KLHL9: variants seen among roughly 807,000 people sequenced by gnomAD.
The protein encoded by KLHL9 is kelch-like protein 9.
In KLHL9, 27 loss-of-function variants were observed where a neutral mutation model predicts 42.3. That is an observed-to-expected ratio of 0.64 (90% CI 0.47 to 0.88). KLHL9 has a LOEUF of 0.88. Ranked by LOEUF, KLHL9 falls within the 40% of genes least tolerant of loss-of-function variation. The pLI is 0.00. For synonymous variants in KLHL9, 274 were observed against 254.4 expected (o/e 1.08, Z -0.73); for missense variants, 629 against 750.3 (o/e 0.84, Z 1.89).
At position 21,335,090 on chromosome 9, in the gene KLHL9, T is replaced by C. The variant is rs1205426591; in HGVS notation, c.-231A>G. 1 of 587,876 alleles carries C rather than the reference T, an allele frequency of 1.7e-6. No homozygotes were observed. The highest frequency in any genetic ancestry group is 3.0e-6 in the Non-Finnish European group (1 of 334,462). 36.4% of individuals were successfully genotyped at this position (587,876 alleles called of 1,614,324 possible). A position where few individuals can be genotyped will look rare whatever the true frequency, so the allele number is the denominator to read the frequency against. Reference sequence around the variant, plus strand: ...CAAATCTGATTATTAGACAGATGATTCATCACCTGAAGGCGGTTAAATGAC... The same window carrying C: ...CAAATCTGATTATTAGACAGATGATCCATCACCTGAAGGCGGTTAAATGAC... On this transcript the variant is annotated 5_prime_UTR_variant, in exon 1 of 1. Coordinates refer to ENST00000359039, the MANE Select transcript of KLHL9 (RefSeq NM_018847.4).
rs780349937 is a variant in KLHL9 at position 21,333,458 on chromosome 9, G to A, written c.1402C>T (p.Pro468Ser). The stretch of plus-strand genomic sequence containing the variant: ...TTTTGCATCCATTTATCTGTATCTG[G>A]GTCAAAACACATGAGCTCATTTTGG... ...TFQNELMCFDPDTDKWMQKAP... is the reference protein window; with the variant it reads ...TFQNELMCFDSDTDKWMQKAP... Residue 468 changes from proline to serine, a missense_variant, in exon 1 of 1, where the codon CCA becomes TCA. This residue lies in a region of KLHL9 where 214 missense variants were observed against 305.8 expected (regional missense o/e 0.70). Coordinates refer to ENST00000359039, the MANE Select transcript of KLHL9 (RefSeq NM_018847.4). This position sits in a 1 kb window ranked among gnomAD's most constrained non-coding sequence, Gnocchi z 7.5. 6.2e-7 allele frequency: 1 copy of A among 1,614,088 alleles called. No individual in the cohort carries two copies. The highest frequency in any genetic ancestry group is 2.2e-5 in the East Asian group (1 of 44,884).
At position 21,330,221 on chromosome 9, in the gene KLHL9, G is replaced by A. The variant is rs1820146000; in HGVS notation, c.*2785C>T. The A allele has an allele frequency of 1.3e-5, 2 of 152,026 alleles. No homozygotes were observed. The highest frequency in any genetic ancestry group is 2.9e-5 in the Non-Finnish European group (2 of 68,016). The allele number at this position is 152,026 out of a possible 1,614,324, so 9.4% of individuals were successfully genotyped here. A position where few individuals can be genotyped will look rare whatever the true frequency, so the allele number is the denominator to read the frequency against. On this transcript the variant is annotated 3_prime_UTR_variant, in exon 1 of 1. Transcript: ENST00000359039. ...TCTAAACAATATTACTTAAAACTTCGGTTATATTTCACGTTTCAGACACGT... is the reference window on the plus strand; with the variant it reads ...TCTAAACAATATTACTTAAAACTTCAGTTATATTTCACGTTTCAGACACGT...
Position 21,331,524 on chromosome 9 carries a change from GTATA to G in KLHL9, c.*1478_*1481del, listed in dbSNP as rs1820171511. ...TGTGTGTATTACACACACACACAAT[GTATA>G]TATAAATTTTTTTTCTTCAGGTAGA... On this transcript the variant is annotated 3_prime_UTR_variant, in exon 1 of 1. Coordinates refer to ENST00000359039, the MANE Select transcript of KLHL9 (RefSeq NM_018847.4). 1 of 150,984 alleles carries G rather than the reference GTATA, an allele frequency of 6.6e-6. No individual in the cohort carries two copies. Among genetic ancestry groups the G allele is most frequent in the South Asian group, 2.1e-4 (1 of 4,792 alleles). The allele number at this position is 150,984 out of a possible 1,614,324, so 9.4% of individuals were successfully genotyped here. A position where few individuals can be genotyped will look rare whatever the true frequency, so the allele number is the denominator to read the frequency against.
Position 21,335,059 on chromosome 9 carries a change from G to T in KLHL9, c.-200C>A. ...CTGTAGCAGGACCACAAAGGGCTGTGGACCTCAAATCTGATTATTAGACAG... is the reference window on the plus strand; with the variant it reads ...CTGTAGCAGGACCACAAAGGGCTGTTGACCTCAAATCTGATTATTAGACAG... On this transcript the variant is annotated 5_prime_UTR_variant, in exon 1 of 1. Coordinates refer to ENST00000359039, the MANE Select transcript of KLHL9 (RefSeq NM_018847.4). The T allele has an allele frequency of 1.5e-6, 1 of 663,226 alleles. No individual in the cohort carries two copies. Among genetic ancestry groups the T allele is most frequent in the Non-Finnish European group, 2.6e-6 (1 of 392,154 alleles). The allele number at this position is 663,226 out of a possible 1,614,324, so 41.1% of individuals were successfully genotyped here.
chr9:21,335,096 C>G lies in KLHL9; in HGVS notation c.-237G>C. 1 of 573,036 alleles carries G rather than the reference C, an allele frequency of 1.7e-6. No homozygotes were observed. Among genetic ancestry groups the G allele is most frequent in the Non-Finnish European group, 3.1e-6 (1 of 325,492 alleles). 35.5% of individuals were successfully genotyped at this position (573,036 alleles called of 1,614,324 possible). Reference sequence around the variant, plus strand: ...TGATTATTAGACAGATGATTCATCACCTGAAGGCGGTTAAATGACCTGGTT... The same window carrying G: ...TGATTATTAGACAGATGATTCATCAGCTGAAGGCGGTTAAATGACCTGGTT... On this transcript the variant is annotated 5_prime_UTR_variant, in exon 1 of 1. Coordinates refer to ENST00000359039, the MANE Select transcript of KLHL9 (RefSeq NM_018847.4).
chr9:21,330,646 A>T lies in KLHL9; in HGVS notation c.*2360T>A, dbSNP rs949671754. 2 of 152,226 alleles carry T rather than the reference A, an allele frequency of 1.3e-5. No homozygotes were observed. The highest frequency in any genetic ancestry group is 1.3e-4 in the Admixed American group (2 of 15,280). The allele number at this position is 152,226 out of a possible 1,614,324, so 9.4% of individuals were successfully genotyped here. On this transcript the variant is annotated 3_prime_UTR_variant, in exon 1 of 1. Transcript: ENST00000359039. ...AAAAGTACTTTTTTTCAATAAAAGG[A>T]AAAGCCTGTACAAAATAGAGGCAGG... is the stretch of plus-strand genomic sequence containing the variant.
rs577984287 is a variant in KLHL9 at position 21,332,116 on chromosome 9, T to C, written c.*890A>G. ...ACTTTACCAATCTGTGTAAAAGTAC[T>C]CTACAGAAAATACACAAGCAGAAAA... is the stretch of plus-strand genomic sequence containing the variant. On this transcript the variant is annotated 3_prime_UTR_variant, in exon 1 of 1. Coordinates refer to ENST00000359039, the MANE Select transcript of KLHL9 (RefSeq NM_018847.4). 22 of 152,678 alleles carry C rather than the reference T, an allele frequency of 1.4e-4. No homozygotes were observed. Among genetic ancestry groups the C allele is most frequent in the Admixed American group, 4.6e-4 (7 of 15,298 alleles). 9.5% of individuals were successfully genotyped at this position (152,678 alleles called of 1,614,324 possible).
rs1302634036 is a variant in KLHL9 at position 21,334,384 on chromosome 9, C to T, written c.476G>A (p.Arg159Gln). 1.9e-5 allele frequency: 30 copies of T among 1,613,688 alleles called. No individual in the cohort carries two copies. Among genetic ancestry groups the T allele is most frequent in the Non-Finnish European group, 2.4e-5 (28 of 1,179,826 alleles). Residue 159 changes from arginine to glutamine, a missense_variant, in exon 1 of 1, where the codon CGA becomes CAA. Physicochemically the swap from Arg to Gln is conservative, Grantham distance 43 (BLOSUM62 1). This residue lies in a region of KLHL9 where 351 missense variants were observed against 363.1 expected (regional missense o/e 0.97). Coordinates refer to ENST00000359039, the MANE Select transcript of KLHL9 (RefSeq NM_018847.4). The surrounding 1 kb of genome is among the most constrained non-coding windows in gnomAD (Gnocchi z 5.1). The stretch of plus-strand genomic sequence containing the variant: ...TATAAGATTGTAGGTGTTAGCAATT[C>T]GTCCAACCTCAACACAGTTATCCAA... ...VSLDNCVEVGRIANTYNLIEV... is the reference protein window; with the variant it reads ...VSLDNCVEVGQIANTYNLIEV...
In KLHL9 at chr9:21,334,501, T is replaced by C; in HGVS notation, c.359A>G (p.Asp120Gly). The C allele has an allele frequency of 1.2e-6, 2 of 1,614,118 alleles. No individual in the cohort carries two copies. Among genetic ancestry groups the C allele is most frequent in the Non-Finnish European group, 8.5e-7 (1 of 1,179,998 alleles). ...IYTAKLSLNM[D>G]NLQDTLEAAS... ...AGCTTCAAGTGTGTCCTGAAGATTG[T>C]CCATATTAAGAGAAAGTTTTGCAGT... Residue 120 changes from aspartate (D) to glycine (G), a missense_variant, in exon 1 of 1, where the codon GAC (aspartate) becomes GGC (glycine). Around this residue, in one of 4 missense-constraint regions of KLHL9, gnomAD observed 351 missense variants for 363.1 expected, o/e 0.97. Coordinates refer to ENST00000359039, the MANE Select transcript of KLHL9 (RefSeq NM_018847.4). The surrounding 1 kb of genome is among the most constrained non-coding windows in gnomAD (Gnocchi z 5.1).
In KLHL9 at chr9:21,330,255, G is replaced by A. The variant is rs573269440; in HGVS notation, c.*2751C>T. On this transcript the variant is annotated 3_prime_UTR_variant, in exon 1 of 1. Coordinates refer to ENST00000359039, the MANE Select transcript of KLHL9 (RefSeq NM_018847.4). ...TCACGTTTCAGACACGTAGTCTGAA[G>A]GTAATTATAATAGTCTTAATAATGT... The A allele has an allele frequency of 3.3e-5, 5 of 152,274 alleles. No individual in the cohort carries two copies. The East Asian group carries it at 9.6e-4, about 29-fold the overall frequency. The allele number at this position is 152,274 out of a possible 1,614,324, so 9.4% of individuals were successfully genotyped here.
Position 21,332,742 on chromosome 9 carries a change from A to T in KLHL9, c.*264T>A. 1 of 448,862 alleles carries T rather than the reference A, an allele frequency of 2.2e-6. No homozygotes were observed. Among genetic ancestry groups the T allele is most frequent in the East Asian group, 3.9e-5 (1 of 25,774 alleles). The allele number at this position is 448,862 out of a possible 1,614,324, so 27.8% of individuals were successfully genotyped here. On this transcript the variant is annotated 3_prime_UTR_variant, in exon 1 of 1. Transcript: ENST00000359039. ...ATGGACATAATTACACATTTACCAC[A>T]GTCATCTACAATTTTATATAACATC...
chr9:21,332,663 C>T lies in KLHL9; in HGVS notation c.*343G>A, dbSNP rs188443438. 1.4e-3 allele frequency: 305 copies of T among 225,880 alleles called. 3 individuals carry two copies. Among genetic ancestry groups the T allele is most frequent in the Non-Finnish European group, 5.7e-4 (65 of 113,792 alleles). The allele number at this position is 225,880 out of a possible 1,614,324, so 14.0% of individuals were successfully genotyped here. A position where few individuals can be genotyped will look rare whatever the true frequency, so the allele number is the denominator to read the frequency against. ...ACCTTTCGTTATTTTTAGTTTAGAG[C>T]GGCCTCCCTCTGACATTTTGGAGTC... On this transcript the variant is annotated 3_prime_UTR_variant, in exon 1 of 1. Transcript: ENST00000359039.
rs976049118 is a variant in KLHL9 at position 21,331,302 on chromosome 9, A to C, written c.*1704T>G. On this transcript the variant is annotated 3_prime_UTR_variant, in exon 1 of 1. Transcript: ENST00000359039. ...AACTGAGTAATTAAAAAAACATAGA[A>C]AGTATGAAAATTTCTGCCAATGCAG... The C allele has an allele frequency of 2.0e-5, 3 of 152,610 alleles. No individual in the cohort carries two copies. Among genetic ancestry groups the C allele is most frequent in the African/African-American group, 7.2e-5 (3 of 41,446 alleles). The allele number at this position is 152,610 out of a possible 1,614,324, so 9.5% of individuals were successfully genotyped here.
In KLHL9 at chr9:21,333,920, T is replaced by C; in HGVS notation, c.940A>G (p.Ser314Gly). 4.3e-6 allele frequency: 7 copies of C among 1,614,176 alleles called. No individual in the cohort carries two copies. Among genetic ancestry groups the C allele is most frequent in the Non-Finnish European group, 5.9e-6 (7 of 1,180,050 alleles). The stretch of plus-strand genomic sequence containing the variant: ...TCATCATACATCCGTAATTCTTTAC[T>C]GACAACCAGCTGCTGCCTCAAAACT... ...GGVLRQQLVVSKELRMYDERA... is the reference protein window; with the variant it reads ...GGVLRQQLVVGKELRMYDERA... The change falls in exon 1 of 1, where the codon AGT (serine) becomes GGT (glycine). Residue 314 changes from serine to glycine, a missense_variant. Coordinates refer to ENST00000359039, the MANE Select transcript of KLHL9 (RefSeq NM_018847.4). The surrounding 1 kb of genome is among the most constrained non-coding windows in gnomAD (Gnocchi z 7.5).
rs1820188179 is a variant in KLHL9, at chr9:21,332,401, T to C, written c.*605A>G. The C allele has an allele frequency of 6.5e-6, 1 of 154,360 alleles. No individual in the cohort carries two copies. Among genetic ancestry groups the C allele is most frequent in the East Asian group, 1.9e-4 (1 of 5,214 alleles). 9.6% of individuals were successfully genotyped at this position (154,360 alleles called of 1,614,324 possible). A position where few individuals can be genotyped will look rare whatever the true frequency, so the allele number is the denominator to read the frequency against. On this transcript the variant is annotated 3_prime_UTR_variant, in exon 1 of 1. Transcript: ENST00000359039. The stretch of plus-strand genomic sequence containing the variant: ...GTATACATATGTATGTATGTGTGCA[T>C]GCATGTATGTTTGTATTATGTGTAT...
rs1820232968 is a variant in KLHL9, at chr9:21,334,573, T to C, written c.287A>G (p.His96Arg). 1.2e-6 allele frequency: 2 copies of C among 1,614,194 alleles called. No homozygotes were observed. The highest frequency in any genetic ancestry group is 1.7e-6 in the Non-Finnish European group (2 of 1,180,026). Residue 96 changes from histidine (H) to arginine (R), a missense_variant, in exon 1 of 1, where the codon CAT becomes CGT. Physicochemically the swap from His to Arg is conservative, Grantham distance 29. Transcript: ENST00000359039. The surrounding 1 kb of genome is among the most constrained non-coding windows in gnomAD (Gnocchi z 5.1). The stretch of plus-strand genomic sequence containing the variant: ...CTTCAGACCAACCTTGTTCACCCCA[T>C]GAAGCTTAATGCACATCAAATCTTG... ...KEQDLMCIKL[H>R]GVNKVGLKKI... is the part of the protein sequence containing the mutation.
Position 21,334,078 on chromosome 9 carries a change from C to G in KLHL9, c.782G>C (p.Arg261Thr). The part of the protein sequence containing the change: ...INYVQTVDFM[R>T]TDNTCVNLLL... ...CAAATTCACGCAGGTATTGTCTGTTCTCATGAAATCTACTGTCTGCACGTA... is the reference window on the plus strand; with the variant it reads ...CAAATTCACGCAGGTATTGTCTGTTGTCATGAAATCTACTGTCTGCACGTA... Residue 261 changes from arginine to threonine, a missense_variant, in exon 1 of 1, where the codon AGA (arginine) becomes ACA (threonine). Physicochemically the swap from Arg to Thr is moderately conservative, Grantham distance 71 (BLOSUM62 -1). This residue lies in a region of KLHL9 where 351 missense variants were observed against 363.1 expected (regional missense o/e 0.97). Coordinates refer to ENST00000359039, the MANE Select transcript of KLHL9 (RefSeq NM_018847.4). This position sits in a 1 kb window ranked among gnomAD's most constrained non-coding sequence, Gnocchi z 5.1. 3 of 1,614,176 alleles carry G rather than the reference C, an allele frequency of 1.9e-6. No individual in the cohort carries two copies. Among genetic ancestry groups the G allele is most frequent in the Non-Finnish European group, 2.5e-6 (3 of 1,180,042 alleles).
Position 21,334,965 on chromosome 9 carries a change from T to C in KLHL9, c.-106A>G, listed in dbSNP as rs1250131155. ...CAGAAAGAACAGAAAGCTCGTTTCCTTATCAAGGGAAGGCAGTCACTGCGG... is the reference window on the plus strand; with the variant it reads ...CAGAAAGAACAGAAAGCTCGTTTCCCTATCAAGGGAAGGCAGTCACTGCGG... On this transcript the variant is annotated 5_prime_UTR_variant, in exon 1 of 1. Coordinates refer to ENST00000359039, the MANE Select transcript of KLHL9 (RefSeq NM_018847.4). This position sits in a 1 kb window ranked among gnomAD's most constrained non-coding sequence, Gnocchi z 5.1. 2 of 1,518,432 alleles carry C rather than the reference T, an allele frequency of 1.3e-6. No homozygotes were observed. Among genetic ancestry groups the C allele is most frequent in the Non-Finnish European group, 1.8e-6 (2 of 1,130,576 alleles). The allele number at this position is 1,518,432 out of a possible 1,614,324, so 94.1% of individuals were successfully genotyped here. A position where few individuals can be genotyped will look rare whatever the true frequency, so the allele number is the denominator to read the frequency against.
rs1015419882 is a variant in KLHL9 at position 21,330,244 on chromosome 9, C to T, written c.*2762G>A. 2.0e-5 allele frequency: 3 copies of T among 152,070 alleles called. No homozygotes were observed. Among genetic ancestry groups the T allele is most frequent in the South Asian group, 4.1e-4 (2 of 4,822 alleles). The allele number at this position is 152,070 out of a possible 1,614,324, so 9.4% of individuals were successfully genotyped here. ...TCGGTTATATTTCACGTTTCAGACACGTAGTCTGAAGGTAATTATAATAGT... is the reference window on the plus strand; with the variant it reads ...TCGGTTATATTTCACGTTTCAGACATGTAGTCTGAAGGTAATTATAATAGT... On this transcript the variant is annotated 3_prime_UTR_variant, in exon 1 of 1. Coordinates refer to ENST00000359039, the MANE Select transcript of KLHL9 (RefSeq NM_018847.4).
Sources: gnomAD v4.1 joint callset for allele counts on GRCh38, gnomAD v4.1.1 for gene constraint, gnomAD v4.1.1 regional missense constraint, Gnocchi (gnomAD v3.1) non-coding constraint, MANE v1.5 for transcripts, NCBI Gene and HGNC (gene_info 2026-07-23, HGNC 2026-07-21) for gene names.